Variants in ATAD2B observed in about 807,000 individuals in gnomAD.
The protein encoded by ATAD2B is ATPase family AAA domain-containing protein 2B.
Under a neutral mutation model 167.6 loss-of-function variants are expected in ATAD2B, and 40 were observed. The ratio of observed to expected loss-of-function variants is 0.24; its 90% CI spans 0.19 to 0.31. The LOEUF (loss-of-function observed/expected upper bound fraction) is 0.31, where lower values mean the gene tolerates loss of function less well. Ranked by LOEUF, ATAD2B falls within the 10% of genes least tolerant of loss-of-function variation. The pLI, the probability that ATAD2B is intolerant of heterozygous loss-of-function variation, is 1.00. For missense variants in ATAD2B, 1,242 were observed against 1,757.2 expected (o/e 0.71, Z 5.24); for synonymous variants, 579 against 596.5 (o/e 0.97, Z 0.43).
In ATAD2B at chr2:23,810,391, T is replaced by A; in HGVS notation, c.2379A>T (p.Arg793Ser). The A allele has an allele frequency of 6.2e-7, 1 of 1,613,910 alleles. No homozygotes were observed. Among genetic ancestry groups the A allele is most frequent in the South Asian group, 1.1e-5 (1 of 91,088 alleles). The change falls in exon 18 of 28, where the codon AGA becomes AGT. Residue 793 changes from arginine (R) to serine (S), a missense_variant. By Grantham distance (110) the Arg-to-Ser change is moderately radical (BLOSUM62 -1). Transcript: ENST00000238789. ...LAPALLHTLERFSVHRLDLPA... is the reference protein window; with the variant it reads ...LAPALLHTLESFSVHRLDLPA... Reference sequence around the variant, plus strand: ...GGAGATCTAGTCTATGCACAGAGAATCTTTCTAGAGTGTGCAAAAGTGCTG... The same window carrying A: ...GGAGATCTAGTCTATGCACAGAGAAACTTTCTAGAGTGTGCAAAAGTGCTG...
chr2:23,804,364 C>G (rs1438725495), intron 18 of ATAD2B, among the ~76,000 whole-genome samples: 8 of 152,166 alleles, frequency 5.3e-5, no homozygotes, highest in Non-Finnish European at 1.0e-4. Context: ...GCTATCATGA[C>G]TGCACTTCAT....
intron 14 of ATAD2B, among the ~76,000 whole-genome samples, chr2:23,831,107 T>G (rs1384417809): frequency 6.6e-6 from 1 of 152,114 alleles, no homozygotes; most frequent in African/African-American, 2.4e-5. Flanking sequence ...CATTATGTAT[T>G]TTACTCTATA....
At chr2:23,717,646 A>T in the ATAD2B span, among the ~76,000 whole-genome samples, 1 of 152,212 alleles carries the variant, frequency 6.6e-6, no homozygotes, top group Non-Finnish European at 1.5e-5. Flanking sequence ...TCCATGTAAA[A>T]ATAAGCAACA....
intron 2 of ATAD2B, 25 bp downstream of exon 2, chr2:23,895,794 C>A: frequency 6.5e-7 from 1 of 1,546,838 alleles, no homozygotes; most frequent in Non-Finnish European, 8.8e-7. Context: ...TAAGAAAAAA[C>A]AATCAATGAG....
intron 12 of ATAD2B, among the ~76,000 whole-genome samples, chr2:23,859,277 G>T (rs572371331): frequency 6.6e-6 from 1 of 152,138 alleles, no homozygotes; most frequent in South Asian, 2.1e-4. Context: ...TTTGCTTAGT[G>T]AGTTCTAGAA....
chr2:23,914,339 G>GA (rs1405401712), intron 1 of ATAD2B, among the ~76,000 whole-genome samples: 3 of 151,960 alleles, frequency 2.0e-5, no homozygotes, highest in Non-Finnish European at 4.4e-5. Context: ...CAAAACTCAC[G>GA]AATCTCTAAT....
intron 13 of ATAD2B, among the ~76,000 whole-genome samples, chr2:23,842,287 A>C (rs1375805237): frequency 6.6e-6 from 1 of 152,092 alleles, no homozygotes; most frequent in Non-Finnish European, 1.5e-5. Flanking sequence ...CTATTTTACT[A>C]ATGATTACTC....
intron 1 of ATAD2B, among the ~76,000 whole-genome samples, chr2:23,898,761 G>A (rs1380099243): frequency 6.6e-6 from 1 of 152,182 alleles, no homozygotes; most frequent in Non-Finnish European, 1.5e-5. Flanking sequence ...CCAAAACTTT[G>A]AGAGGTCAAG....
chr2:23,758,011 T>C lies in ATAD2B; in HGVS notation c.3485A>G (p.Glu1162Gly). The change falls in exon 25 of 28, where the codon GAA becomes GGA. Residue 1162 changes from glutamate (E) to glycine (G), a missense_variant. Glu to Gly is a moderately conservative substitution (Grantham distance 98). Around this residue, in one of 9 missense-constraint regions of ATAD2B, gnomAD observed 282 missense variants for 346.8 expected, o/e 0.81. Transcript: ENST00000238789. ...CTCATAGTCTGCAAATTTGGTGTCT[T>C]CTTCATCTTTTTTTAAATTATTAAC... ...RKVNNLKKDE[E>G]DTKFADYENH... is the part of the protein sequence containing the mutation. The C allele has an allele frequency of 6.2e-7, 1 of 1,611,002 alleles. No homozygotes were observed. The highest frequency in any genetic ancestry group is 1.1e-5 in the South Asian group (1 of 90,306).
At chr2:23,828,374 C>T (rs548059066) in intron 15 of ATAD2B, among the ~76,000 whole-genome samples, 10 of 152,160 alleles carry the variant, frequency 6.6e-5, no homozygotes, top group South Asian at 2.1e-4. Context: ...GGAACTACTA[C>T]CAAATATAAT....
At chr2:23,679,151 C>T in the ATAD2B span, among the ~76,000 whole-genome samples, 1 of 152,112 alleles carries the variant, frequency 6.6e-6, no homozygotes, top group Admixed American at 6.5e-5. Context: ...CTATTCATGC[C>T]TTGTGTATCA....
chr2:23,909,071 T>C (rs1030876521), intron 1 of ATAD2B, among the ~76,000 whole-genome samples: 1 of 150,618 alleles, frequency 6.6e-6, no homozygotes, highest in African/African-American at 2.4e-5. Context: ...GCATGGCACA[T>C]GTATACATAT....
At chr2:23,884,054 G>C (rs971146038) in intron 6 of ATAD2B, among the ~76,000 whole-genome samples, 1 of 152,104 alleles carries the variant, frequency 6.6e-6, no homozygotes, top group South Asian at 2.1e-4. Flanking sequence ...TGAGGCAGGA[G>C]AATCGCTTGA....
rs34685891 is a variant in ATAD2B, at chr2:23,899,918, CTTTTTTTT to C, written c.217-3956_217-3949del. On this transcript the variant is annotated intron_variant, in intron 1 of 27. Coordinates refer to ENST00000238789, the MANE Select transcript of ATAD2B (RefSeq NM_017552.4). ...TTTCATTTCTAATACAGTTTTCTTA[CTTTTTTTT>C]TTTTTTTTTTTTTTTGAGACAGAGT... 2.6e-3 allele frequency among the ~76,000 whole-genome samples: 217 copies of C among 83,622 alleles called. 1 individual carries two copies. Among genetic ancestry groups the C allele is most frequent in the Non-Finnish European group, 4.1e-3 (180 of 44,366 alleles). The allele number at this position is 83,622 out of a possible 152,430, so 54.9% of individuals were successfully genotyped here. A position where few individuals can be genotyped will look rare whatever the true frequency, so the allele number is the denominator to read the frequency against.
chr2:23,857,560 T>G (rs1251637189), intron 12 of ATAD2B, 57 bp from the exon 13 acceptor site: 1 of 832,842 alleles, frequency 1.2e-6, no homozygotes, highest in Non-Finnish European at 1.7e-6. Context: ...TTAAAATTTA[T>G]TATATTTTCT....
chr2:23,866,600 T>C (rs1484586464), intron 10 of ATAD2B, among the ~76,000 whole-genome samples: 2 of 152,092 alleles, frequency 1.3e-5, no homozygotes, highest in Non-Finnish European at 2.9e-5. Context: ...TAAGCAAAGA[T>C]CATTAGGTAA....
rs77035205 is a variant in ATAD2B, at chr2:23,851,471, A to T, written c.1568+5944T>A. Among the ~76,000 whole-genome samples the T allele has an allele frequency of 8.4e-3, 1,274 of 152,282 alleles. 61 individuals carry two copies. The East Asian group carries it at 0.14, about 17-fold the overall frequency. ...TAGTCTATTTTTAAGACCATTTGTT[A>T]GGGCAGTTTTAGGTTAACAGCCAAA... On this transcript the variant is annotated intron_variant, in intron 13 of 27. Coordinates refer to ENST00000238789, the MANE Select transcript of ATAD2B (RefSeq NM_017552.4).
intron 8 of ATAD2B, among the ~76,000 whole-genome samples, chr2:23,873,742 G>A (rs1437234529): frequency 6.6e-6 from 1 of 152,116 alleles, no homozygotes; most frequent in Non-Finnish European, 1.5e-5. Context: ...GTTTCTTCTC[G>A]TAGCTTCAGT....
intron 1 of ATAD2B, among the ~76,000 whole-genome samples, chr2:23,924,710 A>ATT (rs1704464427): frequency 1.3e-5 from 2 of 152,338 alleles, no homozygotes; most frequent in South Asian, 4.1e-4. Flanking sequence ...GCTTTAAAAC[A>ATT]TTTTAAAAGG....
Sources: allele counts gnomAD v4.1 joint callset (sites outside exome capture counted in the v4.1 genomes callset), GRCh38; gene constraint gnomAD v4.1.1; regional missense constraint gnomAD v4.1.1; transcripts MANE v1.5; gene names NCBI Gene and HGNC (gene_info 2026-07-23, HGNC 2026-07-21).